Variants in KCNH1 observed in about 807,000 individuals in gnomAD.
The protein encoded by KCNH1 is potassium voltage-gated channel subfamily H member 1.
KCNH1 carries 27 observed loss-of-function variants against 69.2 expected under a neutral mutation model. That is an observed-to-expected ratio of 0.39 (90% CI 0.29 to 0.54). KCNH1 has a LOEUF of 0.54. Ranked by LOEUF, KCNH1 falls within the 20% of genes least tolerant of loss-of-function variation. KCNH1 has a pLI of 0.68. For synonymous variants in KCNH1, 456 were observed against 487.7 expected, an observed-to-expected ratio of 0.93 and a Z score of 0.86; for missense variants, 798 against 1,261.6, an observed-to-expected ratio of 0.63 and a Z score of 5.57.
intron 1 of KCNH1, among the ~76,000 whole-genome samples, chr1:211,117,539 A>G (rs1046953200): frequency 3.9e-5 from 6 of 152,184 alleles, no homozygotes; most frequent in African/African-American, 1.4e-4. Context: ...CCTAGAGAGA[A>G]AGAGGTCCTG....
At chr1:210,943,819 C>G (rs1161872079) in intron 6 of KCNH1, among the ~76,000 whole-genome samples, 1 of 152,210 alleles carries the variant, frequency 6.6e-6, no homozygotes, top group African/African-American at 2.4e-5. Context: ...AGACTGAGGA[C>G]TCTGGGCTCT....
chr1:210,868,702 C>T (rs758959158), intron 7 of KCNH1, among the ~76,000 whole-genome samples: 16 of 152,000 alleles, frequency 1.1e-4, no homozygotes, highest in Non-Finnish European at 1.9e-4. Flanking sequence ...TATAGTCACA[C>T]CCACTTCCTT....
At chr1:210,701,570 C>T (rs1237338534) in intron 10 of KCNH1, among the ~76,000 whole-genome samples, 2 of 152,140 alleles carry the variant, frequency 1.3e-5, no homozygotes, top group African/African-American at 4.8e-5. Flanking sequence ...CTTGGACAAG[C>T]CTTCTTTTTG....
At chr1:210,811,103 T>G (rs1227234297) in intron 7 of KCNH1, among the ~76,000 whole-genome samples, 1 of 152,226 alleles carries the variant, frequency 6.6e-6, no homozygotes, top group East Asian at 1.9e-4. Context: ...CAATATTCAG[T>G]GTACAAAGTT....
chr1:211,070,683 G>A (rs1391553531), intron 5 of KCNH1, among the ~76,000 whole-genome samples: 5 of 151,912 alleles, frequency 3.3e-5, no homozygotes, highest in Non-Finnish European at 1.5e-5. Context: ...AAGTAGCCAG[G>A]CATGGTGACG....
chr1:210,918,978 A>G (rs151127399), intron 7 of KCNH1: 149 of 152,204 alleles, frequency 9.8e-4, no homozygotes, highest in African/African-American at 3.4e-3. Context: ...TCTTTTTCTC[A>G]TACTACATTA....
At chr1:210,969,069 T>A (rs1328289640) in intron 6 of KCNH1, among the ~76,000 whole-genome samples, 2 of 152,116 alleles carry the variant, frequency 1.3e-5, no homozygotes, top group Admixed American at 1.3e-4. Context: ...TAAATCAGAT[T>A]TATAAATTTT....
chr1:210,742,889 T>G (rs1240977908), intron 10 of KCNH1, among the ~76,000 whole-genome samples: 1 of 152,096 alleles, frequency 6.6e-6, no homozygotes, highest in Non-Finnish European at 1.5e-5. Context: ...GTGTGTGTGT[T>G]TTCAAGTACA....
intron 6 of KCNH1, among the ~76,000 whole-genome samples, chr1:211,012,931 A>G (rs1689421560): frequency 6.6e-6 from 1 of 152,158 alleles, no homozygotes; most frequent in Non-Finnish European, 1.5e-5. Flanking sequence ...TTTTTCTATA[A>G]ACTAAAACAG....
Position 210,681,618 on chromosome 1 carries a change from G to C in KCNH1, c.*1663C>G. The C allele has an allele frequency of 6.6e-6, 1 of 152,508 alleles. No individual in the cohort carries two copies. 9.4% of individuals were successfully genotyped at this position (152,508 alleles called of 1,614,324 possible). On this transcript the variant is annotated 3_prime_UTR_variant, in exon 11 of 11. Coordinates refer to ENST00000271751, the MANE Select transcript of KCNH1 (RefSeq NM_172362.3). Reference sequence around the variant, plus strand: ...CAGGACTAAGGAGGTGGGGTGGGGTGGGGTGGTGGGCAGTCTCAGACCGGA... The same window carrying C: ...CAGGACTAAGGAGGTGGGGTGGGGTCGGGTGGTGGGCAGTCTCAGACCGGA...
intron 4 of KCNH1, 94 bp downstream of exon 4, chr1:211,090,468 G>T: frequency 9.1e-7 from 1 of 1,103,912 alleles, no homozygotes; most frequent in Non-Finnish European, 1.3e-6. Flanking sequence ...GGTTTGTAAA[G>T]TGATTGCCTT....
chr1:210,682,662 G>A lies in KCNH1; in HGVS notation c.*619C>T, dbSNP rs1681300410. ...GACCTGAGGATTCCCAGCTTCAAGTGTCTATGGGAGGCATGCACCACACCT... is the reference window on the plus strand; with the variant it reads ...GACCTGAGGATTCCCAGCTTCAAGTATCTATGGGAGGCATGCACCACACCT... On this transcript the variant is annotated 3_prime_UTR_variant, in exon 11 of 11. Coordinates refer to ENST00000271751, the MANE Select transcript of KCNH1 (RefSeq NM_172362.3). 2 of 152,622 alleles carry A rather than the reference G, an allele frequency of 1.3e-5. No individual in the cohort carries two copies. Among genetic ancestry groups the A allele is most frequent in the South Asian group, 2.1e-4 (1 of 4,840 alleles). The allele number at this position is 152,622 out of a possible 1,614,324, so 9.5% of individuals were successfully genotyped here.
At chr1:210,963,970 A>G (rs1276179046) in intron 6 of KCNH1, among the ~76,000 whole-genome samples, 1 of 152,156 alleles carries the variant, frequency 6.6e-6, no homozygotes, top group Non-Finnish European at 1.5e-5. Flanking sequence ...TGAGAAGAGC[A>G]ACTCCAAGAC....
chr1:210,999,574 C>T (rs979204148), intron 6 of KCNH1, among the ~76,000 whole-genome samples: 3 of 152,208 alleles, frequency 2.0e-5, no homozygotes, highest in African/African-American at 7.2e-5. Context: ...CAGCCAAATT[C>T]TACCAGAGGT....
At chr1:211,097,317 G>GA (rs1691175460) in intron 3 of KCNH1, among the ~76,000 whole-genome samples, 1 of 151,312 alleles carries the variant, frequency 6.6e-6, no homozygotes, top group Non-Finnish European at 1.5e-5. Context: ...TTACCAAAAG[G>GA]AAAAAAAGGA....
At chr1:210,925,714 C>G (rs1474985926) in intron 6 of KCNH1, among the ~76,000 whole-genome samples, 1 of 152,222 alleles carries the variant, frequency 6.6e-6, no homozygotes, top group East Asian at 1.9e-4. Context: ...CCCACAGCAA[C>G]TGCAGCAAGC....
intron 8 of KCNH1, among the ~76,000 whole-genome samples, chr1:210,799,316 C>A (rs1483407992): frequency 6.6e-6 from 1 of 152,266 alleles, no homozygotes; most frequent in East Asian, 1.9e-4. Context: ...GCTGGGGTTT[C>A]AAACTAGGTA....
At chr1:211,091,362 T>C (rs1691048746) in intron 3 of KCNH1, among the ~76,000 whole-genome samples, 1 of 152,000 alleles carries the variant, frequency 6.6e-6, no homozygotes, top group East Asian at 1.9e-4. Context: ...TTTGTATTTT[T>C]AGTAGAGGCG....
chr1:210,814,795 A>G (rs1181543488), intron 7 of KCNH1, among the ~76,000 whole-genome samples: 1 of 152,174 alleles, frequency 6.6e-6, no homozygotes, highest in African/African-American at 2.4e-5. Context: ...TTTTCCATCA[A>G]TCATCTCTGG....
Sources: allele counts gnomAD v4.1 joint callset (sites outside exome capture counted in the v4.1 genomes callset), GRCh38; gene constraint gnomAD v4.1.1; transcripts MANE v1.5; gene names NCBI Gene and HGNC (gene_info 2026-07-23, HGNC 2026-07-21).